The following ITPR2 variants were observed in gnomAD, a reference collection of about 807,000 sequenced individuals.
ITPR2 encodes the protein inositol 1,4,5-trisphosphate-gated calcium channel ITPR2.
Under a neutral mutation model 317.1 loss-of-function variants are expected in ITPR2, and 207 were observed. That is an observed-to-expected ratio of 0.65 (90% CI 0.58 to 0.73). The LOEUF (loss-of-function observed/expected upper bound fraction) is 0.73, where lower values mean the gene tolerates loss of function less well. ITPR2 is among the 30% of genes least tolerant of loss of function. The pLI is 0.00. For missense variants in ITPR2, 2,613 were observed against 3,284.0 expected (o/e 0.80, Z 4.99); for synonymous variants, 1,156 against 1,149.1 (o/e 1.01, Z -0.12).
chr12:26,628,194 C>A (rs773941178), intron 22 of ITPR2, 32 bp from the exon 23 acceptor site: 2 of 1,540,964 alleles, frequency 1.3e-6, no homozygotes, highest in Non-Finnish European at 1.8e-6. Context: ...ACATAAATTT[C>A]TTTCATTAGC....
intron 45 of ITPR2, among the ~76,000 whole-genome samples, chr12:26,450,874 A>G (rs1253010252): frequency 6.6e-6 from 1 of 152,100 alleles, no homozygotes; most frequent in Non-Finnish European, 1.5e-5. Flanking sequence ...GAAAATGGGA[A>G]AGAGTATGAG....
Position 26,606,951 on chromosome 12 carries a change from T to C in ITPR2, c.3463-4245A>G, listed in dbSNP as rs115069488. Among the ~76,000 whole-genome samples, 742 of 152,202 alleles carry C rather than the reference T, an allele frequency of 4.9e-3. 4 individuals are homozygous for C. The highest frequency in any genetic ancestry group is 0.017 in the African/African-American group (701 of 41,542). Reference sequence around the variant, plus strand: ...CCCATCTCAATAAATAAATAAATACTGGCACTGATTAATGGGAATCCAGCT... The same window carrying C: ...CCCATCTCAATAAATAAATAAATACCGGCACTGATTAATGGGAATCCAGCT... On this transcript the variant is annotated intron_variant, in intron 26 of 56. Coordinates refer to ENST00000381340, the MANE Select transcript of ITPR2 (RefSeq NM_002223.4).
At chr12:26,653,456 G>C (rs542210389) in intron 21 of ITPR2, among the ~76,000 whole-genome samples, 1 of 152,090 alleles carries the variant, frequency 6.6e-6, no homozygotes, top group Admixed American at 6.5e-5. Context: ...TGGCCAGGAT[G>C]GTCTCGATCT....
Position 26,419,198 on chromosome 12 carries a change from C to T in ITPR2, c.6961G>A (p.Val2321Ile). Residue 2321 changes from valine to isoleucine, a missense_variant, in exon 50 of 57, where the codon GTT becomes ATT. Val to Ile is a conservative substitution (Grantham distance 29). Transcript: ENST00000381340. ...LGAANLCNKI[V>I]FLVSFVGNRG... The stretch of plus-strand genomic sequence containing the variant: ...TTTCCAACAAAACTCACCAGAAAAA[C>T]AATTTTATTACAAAGCTAAAGGGAG... The T allele has an allele frequency of 1.2e-6, 2 of 1,613,330 alleles. No homozygotes were observed. Among genetic ancestry groups the T allele is most frequent in the African/African-American group, 1.3e-5 (1 of 74,984 alleles).
At chr12:26,686,214 T>C (rs1948120972) in intron 11 of ITPR2, among the ~76,000 whole-genome samples, 1 of 152,048 alleles carries the variant, frequency 6.6e-6, no homozygotes, top group South Asian at 2.1e-4. Context: ...TTTTTCATTT[T>C]AGTAACCAAA....
intron 54 of ITPR2, among the ~76,000 whole-genome samples, chr12:26,398,221 G>A (rs534068554): frequency 1.3e-5 from 2 of 152,150 alleles, no homozygotes; most frequent in Admixed American, 6.5e-5. Context: ...TCAGGAGTTC[G>A]AGACCAGCCT....
chr12:26,619,711 G>T (rs1481445276), intron 26 of ITPR2, among the ~76,000 whole-genome samples: 1 of 152,128 alleles, frequency 6.6e-6, no homozygotes. Flanking sequence ...ACTGAGGCAA[G>T]GAATTAAAGC....
intron 21 of ITPR2, among the ~76,000 whole-genome samples, chr12:26,643,254 T>G (rs1018681341): frequency 1.3e-5 from 2 of 152,240 alleles, no homozygotes; most frequent in Admixed American, 6.5e-5. Context: ...CTACCTAGTT[T>G]ATGGTATTTT....
intron 22 of ITPR2, among the ~76,000 whole-genome samples, chr12:26,629,726 CTCTT>C (rs1055319543): frequency 2.0e-5 from 3 of 152,220 alleles, no homozygotes; most frequent in Admixed American, 2.0e-4. Context: ...CTCAGTCTCT[CTCTT>C]TCTCTTTCTC....
chr12:26,353,090 A>G (rs142921453), intron 55 of ITPR2, among the ~76,000 whole-genome samples: 272 of 150,462 alleles, frequency 1.8e-3, no homozygotes, highest in African/African-American at 6.5e-3. Flanking sequence ...TACACATCAG[A>G]AGATCATAGC....
intron 24 of ITPR2, 128 bp downstream of exon 24, chr12:26,624,171 A>C: frequency 6.2e-6 from 4 of 646,572 alleles, no homozygotes; most frequent in Non-Finnish European, 1.1e-5. Context: ...TTCTGGCAGA[A>C]ATTATGTTAG....
intron 45 of ITPR2, among the ~76,000 whole-genome samples, chr12:26,451,882 T>A (rs1224727886): frequency 6.6e-6 from 1 of 152,244 alleles, no homozygotes; most frequent in African/African-American, 2.4e-5. Context: ...TTAGTAAGCA[T>A]GCTATCTTTG....
intron 34 of ITPR2, among the ~76,000 whole-genome samples, chr12:26,571,452 T>C (rs1279472768): frequency 6.6e-6 from 1 of 152,252 alleles, no homozygotes; most frequent in African/African-American, 2.4e-5. Flanking sequence ...TATAACTCAG[T>C]TCACTAGCTC....
At chr12:26,702,502 G>A (rs1322141739) in intron 9 of ITPR2, among the ~76,000 whole-genome samples, 9 of 150,062 alleles carry the variant, frequency 6.0e-5, no homozygotes, top group African/African-American at 1.5e-4. Context: ...GCAGTGGTGC[G>A]ATCTCGGCTC....
At chr12:26,368,591 C>T (rs1565491157) in intron 55 of ITPR2, among the ~76,000 whole-genome samples, 1 of 152,210 alleles carries the variant, frequency 6.6e-6, no homozygotes, top group Non-Finnish European at 1.5e-5. Context: ...TGAACTGAGA[C>T]AGACTAATAC....
At chr12:26,468,302 G>A (rs1471200674) in intron 45 of ITPR2, among the ~76,000 whole-genome samples, 3 of 152,096 alleles carry the variant, frequency 2.0e-5, no homozygotes, top group Non-Finnish European at 2.9e-5. Context: ...CAAGAAAGAA[G>A]ATATTATAGG....
At chr12:26,660,728 T>C (rs1371393085) in intron 15 of ITPR2, among the ~76,000 whole-genome samples, 1 of 152,148 alleles carries the variant, frequency 6.6e-6, no homozygotes, top group Non-Finnish European at 1.5e-5. Flanking sequence ...TTATACACTT[T>C]CATGACTACT....
At chr12:26,608,145 T>C (rs1946180276) in intron 26 of ITPR2, among the ~76,000 whole-genome samples, 1 of 151,946 alleles carries the variant, frequency 6.6e-6, no homozygotes, top group South Asian at 2.1e-4. Flanking sequence ...ATAAATAAAA[T>C]AATGGCATTT....
chr12:26,704,538 T>C (rs1051415010), intron 9 of ITPR2, among the ~76,000 whole-genome samples: 1 of 152,178 alleles, frequency 6.6e-6, no homozygotes, highest in Non-Finnish European at 1.5e-5. Context: ...ACATATTAAA[T>C]AACTAAACTT....
Sources: allele counts gnomAD v4.1 joint callset (sites outside exome capture counted in the v4.1 genomes callset), GRCh38; gene constraint gnomAD v4.1.1; transcripts MANE v1.5; gene names NCBI Gene and HGNC (gene_info 2026-07-23, HGNC 2026-07-21).